CNTN5: variants seen among roughly 807,000 people sequenced by gnomAD.
The protein encoded by CNTN5 is contactin 5, also known as contactin-5.
CNTN5 carries 77 observed loss-of-function variants against 129.1 expected under a neutral mutation model. The ratio of observed to expected loss-of-function variants is 0.60; its 90% CI spans 0.50 to 0.72. CNTN5 has a LOEUF of 0.72. Among genes scored for constraint, CNTN5 ranks in the 30% least tolerant of loss-of-function variants. The pLI is 0.00. For missense variants in CNTN5, 1,478 were observed against 1,328.8 expected, an observed-to-expected ratio of 1.11 and a Z score of -1.75; for synonymous variants, 509 against 465.6, an observed-to-expected ratio of 1.09 and a Z score of -1.20.
rs1943887171 is a variant in CNTN5, at chr11:100,070,680, C to G, written c.1299+120C>G. 10 of 804,510 alleles carry G rather than the reference C, an allele frequency of 1.2e-5. No homozygotes were observed. In the South Asian group the frequency reaches 1.8e-4, roughly 15 times the overall value. The allele number at this position is 804,510 out of a possible 1,614,324, so 49.8% of individuals were successfully genotyped here. ...CCTGTTTCTGATTCGTATAATAGGA[C>G]ATGTTTGTGTTAAGGATGAATGTTA... On this transcript the variant is annotated intron_variant, in intron 11 of 24. Transcript: ENST00000524871.
intron 3 of CNTN5, among the ~76,000 whole-genome samples, chr11:99,723,337 G>A (rs565810238): frequency 2.6e-5 from 4 of 152,062 alleles, no homozygotes; most frequent in Non-Finnish European, 5.9e-5. Context: ...CTCATTAAAT[G>A]TAAGATCCCT....
intron 1 of CNTN5, among the ~76,000 whole-genome samples, chr11:99,140,128 A>G (rs1859440351): frequency 6.6e-6 from 1 of 152,228 alleles, no homozygotes; most frequent in African/African-American, 2.4e-5. Context: ...AAAATTAGCA[A>G]AAATACATAT....
intron 13 of CNTN5, among the ~76,000 whole-genome samples, chr11:100,148,125 A>G (rs2138290956): frequency 6.6e-6 from 1 of 152,252 alleles, no homozygotes; most frequent in Middle Eastern, 3.4e-3. Context: ...CCTTATCCAT[A>G]TACTCATAAT....
intron 3 of CNTN5, among the ~76,000 whole-genome samples, chr11:99,713,260 G>C (rs1474966386): frequency 6.6e-6 from 1 of 152,040 alleles, no homozygotes; most frequent in African/African-American, 2.4e-5. Context: ...GTGAATGGGA[G>C]TTCATTCATG....
intron 2 of CNTN5, among the ~76,000 whole-genome samples, chr11:99,381,260 G>C (rs1054501032): frequency 7.2e-5 from 11 of 152,100 alleles, no homozygotes; most frequent in African/African-American, 2.7e-4. Context: ...GTGAGGGAAT[G>C]GGGGGAAGAG....
chr11:99,299,854 C>T (rs926869110), intron 1 of CNTN5, among the ~76,000 whole-genome samples: 1 of 152,120 alleles, frequency 6.6e-6, no homozygotes, highest in Non-Finnish European at 1.5e-5. Context: ...CTGTGAGAAA[C>T]ATACAAGTGT....
chr11:99,979,637 CTA>C (rs1466912501), intron 8 of CNTN5, among the ~76,000 whole-genome samples: 1 of 152,106 alleles, frequency 6.6e-6, no homozygotes. Flanking sequence ...CCCAAAATAA[CTA>C]TGTTAGTGGT....
intron 2 of CNTN5, among the ~76,000 whole-genome samples, chr11:99,549,187 C>T (rs1170298120): frequency 6.6e-6 from 1 of 151,772 alleles, no homozygotes; most frequent in Non-Finnish European, 1.5e-5. Flanking sequence ...TCTATTGACT[C>T]TCACTTTTAG....
chr11:100,017,050 T>C (rs2137546139), intron 9 of CNTN5, among the ~76,000 whole-genome samples: 2 of 152,090 alleles, frequency 1.3e-5, no homozygotes, highest in East Asian at 3.9e-4. Flanking sequence ...ATAAGTACTT[T>C]TGATCATTTT....
chr11:100,273,310 A>G (rs1222585650), intron 18 of CNTN5, among the ~76,000 whole-genome samples: 1 of 151,612 alleles, frequency 6.6e-6, no homozygotes, highest in African/African-American at 2.4e-5. Context: ...CCATGGGACA[A>G]CTCCCACATG....
chr11:99,316,663 A>G (rs1367148690), intron 1 of CNTN5, among the ~76,000 whole-genome samples: 2 of 152,094 alleles, frequency 1.3e-5, no homozygotes, highest in East Asian at 3.9e-4. Flanking sequence ...TATTACAGAA[A>G]GCTGAACCAT....
At chr11:99,375,630 A>C (rs1054760980) in intron 2 of CNTN5, among the ~76,000 whole-genome samples, 1 of 152,202 alleles carries the variant, frequency 6.6e-6, no homozygotes, top group Admixed American at 6.5e-5. Flanking sequence ...ACAAAATTAC[A>C]AAAATATAAG....
chr11:99,572,728 T>C (rs554701723), intron 3 of CNTN5, among the ~76,000 whole-genome samples: 1 of 148,692 alleles, frequency 6.7e-6, no homozygotes, highest in Admixed American at 6.9e-5. Context: ...TTAAAAGTTT[T>C]ATTTTATTTT....
intron 1 of CNTN5, among the ~76,000 whole-genome samples, chr11:99,207,627 C>T (rs1859549817): frequency 6.6e-6 from 1 of 152,046 alleles, no homozygotes; most frequent in Non-Finnish European, 1.5e-5. Flanking sequence ...TAATACATTG[C>T]TATACTTTGA....
chr11:99,731,330 C>G (rs1943527017), intron 3 of CNTN5, among the ~76,000 whole-genome samples: 1 of 151,850 alleles, frequency 6.6e-6, no homozygotes, highest in Non-Finnish European at 1.5e-5. Flanking sequence ...CCAGGATGGT[C>G]TTGATCTCCT....
chr11:99,399,869 T>G (rs1941708434), intron 2 of CNTN5, among the ~76,000 whole-genome samples: 2 of 151,972 alleles, frequency 1.3e-5, no homozygotes, highest in Non-Finnish European at 2.9e-5. Context: ...TTTTAATTTT[T>G]GTGGGTACAT....
At chr11:99,742,848 G>A (rs887948242) in intron 3 of CNTN5, among the ~76,000 whole-genome samples, 3 of 152,010 alleles carry the variant, frequency 2.0e-5, no homozygotes, top group African/African-American at 2.4e-5. Context: ...TGATATGTTG[G>A]GCATACTTCC....
chr11:100,344,768 T>C (rs1247211569), intron 23 of CNTN5, among the ~76,000 whole-genome samples: 4 of 152,138 alleles, frequency 2.6e-5, no homozygotes, highest in Admixed American at 2.6e-4. Flanking sequence ...TATATACATC[T>C]ATTATGTATC....
intron 2 of CNTN5, among the ~76,000 whole-genome samples, chr11:99,408,358 C>T (rs1942188359): frequency 7.3e-6 from 1 of 137,630 alleles, no homozygotes; most frequent in Admixed American, 7.7e-5. Flanking sequence ...TGCCACTACA[C>T]CAGGCTACCA....
Sources: allele counts gnomAD v4.1 joint callset (sites outside exome capture counted in the v4.1 genomes callset), GRCh38; gene constraint gnomAD v4.1.1; transcripts MANE v1.5; gene names NCBI Gene and HGNC (gene_info 2026-07-23, HGNC 2026-07-21).